Variants in SEM1 observed in about 807,000 individuals in gnomAD.
SEM1 encodes 26S proteasome complex subunit SEM1.
SEM1 carries 3 observed loss-of-function variants against 12.7 expected under a neutral mutation model. That is an observed-to-expected ratio of 0.24 (90% CI 0.11 to 0.61). The LOEUF is 0.61. SEM1 is among the 20% of genes least tolerant of loss of function. The pLI is 0.88. For synonymous variants in SEM1, 30 were observed against 27.8 expected (o/e 1.08, Z -0.25); for missense variants, 59 against 81.3 (o/e 0.73, Z 1.06).
chr7:96,491,448 A>G (rs1803003439), intron 1 of SEM1, among the ~76,000 whole-genome samples: 2 of 152,236 alleles, frequency 1.3e-5, no homozygotes, highest in South Asian at 4.1e-4. Flanking sequence ...ATTTCTGAGC[A>G]AACGTCAGCT....
At chr7:96,543,834 T>G (rs1238090840) in intron 2 of SEM1, among the ~76,000 whole-genome samples, 1 of 152,164 alleles carries the variant, frequency 6.6e-6, no homozygotes, top group South Asian at 2.1e-4. Flanking sequence ...TAACATTTCA[T>G]TGCTTTGGAT....
rs115712911 is a variant in SEM1, at chr7:96,517,645, T to C, written c.171-10947A>G. Among the ~76,000 whole-genome samples the C allele has an allele frequency of 5.1e-3, 776 of 152,266 alleles. 8 individuals are homozygous for C. The highest frequency in any genetic ancestry group is 0.018 in the African/African-American group (741 of 41,562). ...ATTTACATACTTTGCTGTTCCCTGA[T>C]AGTTGTCTTTTTTTAAATTAACATA... On this transcript the variant is annotated intron_variant and NMD_transcript_variant, in intron 2 of 3. Transcript: ENST00000466986.
At chr7:96,665,544 G>T (rs1172247811) in intron 2 of SEM1, among the ~76,000 whole-genome samples, 1 of 152,182 alleles carries the variant, frequency 6.6e-6, no homozygotes, top group Non-Finnish European at 1.5e-5. Context: ...TTATGGTTAA[G>T]GCTTGGCGAT....
intron 2 of SEM1, among the ~76,000 whole-genome samples, chr7:96,559,197 T>TA (rs145164487): frequency 0.011 from 1,726 of 152,318 alleles, 28 homozygotes; most frequent in African/African-American, 0.039. Flanking sequence ...TTTTAGTATA[T>TA]AAATTTTTTC....
intron 2 of SEM1, among the ~76,000 whole-genome samples, chr7:96,528,412 G>A (rs1315996957): frequency 6.6e-6 from 1 of 152,044 alleles, no homozygotes; most frequent in Non-Finnish European, 1.5e-5. Flanking sequence ...GGCTGGCCTT[G>A]AATTCCTGGA....
At chr7:96,661,802 A>G (rs1789010623) in intron 2 of SEM1, among the ~76,000 whole-genome samples, 1 of 152,146 alleles carries the variant, frequency 6.6e-6, no homozygotes, top group African/African-American at 2.4e-5. Flanking sequence ...ACCCTGACCA[A>G]CATGGAGAAA....
At chr7:96,636,487 A>G (rs1808431018) in intron 2 of SEM1, among the ~76,000 whole-genome samples, 1 of 151,962 alleles carries the variant, frequency 6.6e-6, no homozygotes, top group Non-Finnish European at 1.5e-5. Context: ...TGAAGTTAGA[A>G]ATGGAGAAAA....
intron 2 of SEM1, among the ~76,000 whole-genome samples, chr7:96,613,801 G>A (rs779298913): frequency 4.6e-5 from 7 of 152,260 alleles, no homozygotes; most frequent in Middle Eastern, 3.4e-3. Context: ...TACACTATTT[G>A]TCTCACTATG....
chr7:96,674,940 G>A (rs1789413628), intron 2 of SEM1, among the ~76,000 whole-genome samples: 1 of 152,162 alleles, frequency 6.6e-6, no homozygotes. Flanking sequence ...CCTCCATGGA[G>A]GAAGAAGGAG....
chr7:96,608,048 T>A (rs1807437712), intron 2 of SEM1, among the ~76,000 whole-genome samples: 1 of 152,166 alleles, frequency 6.6e-6, no homozygotes, highest in South Asian at 2.1e-4. Context: ...GATGATGGTA[T>A]GTGTGGGGTT....
chr7:96,608,701 T>C (rs1288917760), intron 2 of SEM1, among the ~76,000 whole-genome samples: 2 of 152,206 alleles, frequency 1.3e-5, no homozygotes, highest in Admixed American at 1.3e-4. Flanking sequence ...CTGGCTTTTT[T>C]ACTTAGCTTA....
intron 2 of SEM1, chr7:96,622,900 T>A: frequency 2.2e-6 from 1 of 450,182 alleles, no homozygotes; most frequent in East Asian, 3.4e-5. Context: ...ACAAATGCTT[T>A]GGGGTCAGTG....
At chr7:96,599,175 G>C (rs531716837) in intron 2 of SEM1, among the ~76,000 whole-genome samples, 2 of 152,206 alleles carry the variant, frequency 1.3e-5, no homozygotes, top group Admixed American at 1.3e-4. Flanking sequence ...GGCTTTATCA[G>C]GTGTGGAGTG....
intron 2 of SEM1, among the ~76,000 whole-genome samples, chr7:96,543,368 T>C (rs975090047): frequency 1.2e-4 from 18 of 151,940 alleles, no homozygotes; most frequent in African/African-American, 3.4e-4. Context: ...TGAATTTTGG[T>C]ATTTGCAGGG....
At chr7:96,614,571 G>A (rs1255593219) in intron 2 of SEM1, among the ~76,000 whole-genome samples, 3 of 152,150 alleles carry the variant, frequency 2.0e-5, no homozygotes, top group South Asian at 2.1e-4. Context: ...AGCTATAGCC[G>A]AAAACAGTAG....
At chr7:96,646,021 C>T (rs1808781981) in intron 2 of SEM1, 2 of 396,416 alleles carry the variant, frequency 5.0e-6, no homozygotes, top group East Asian at 7.1e-5. Flanking sequence ...TTCATCATGT[C>T]TTTCCCATTC....
chr7:96,622,615 G>T (rs185854608), exon 3 of SEM1: 1 of 764,742 alleles, frequency 1.3e-6, no homozygotes, highest in East Asian at 2.4e-5. Context: ...AATTCTCCCC[G>T]CTATTCCTCC....
chr7:96,532,313 G>GAA (rs199585413), intron 2 of SEM1, among the ~76,000 whole-genome samples: 1 of 150,124 alleles, frequency 6.7e-6, no homozygotes, highest in Non-Finnish European at 1.5e-5. Context: ...AGAAAAGTTT[G>GAA]AAAAAAAAAC....
chr7:96,560,015 A>C (rs544993690), intron 2 of SEM1, among the ~76,000 whole-genome samples: 2 of 152,336 alleles, frequency 1.3e-5, no homozygotes, highest in East Asian at 3.9e-4. Flanking sequence ...TAAAACCTCC[A>C]TGACTTCAGA....
Sources: gnomAD v4.1 joint callset for allele counts (sites outside exome capture counted in the v4.1 genomes callset) on GRCh38, gnomAD v4.1.1 for gene constraint, MANE v1.5 for transcripts, NCBI Gene and HGNC (gene_info 2026-07-23, HGNC 2026-07-21) for gene names.